TPX2: variants seen among roughly 807,000 people sequenced by gnomAD.
TPX2 encodes TPX2 microtubule nucleation factor.
A neutral mutation model predicts 93.6 loss-of-function variants in TPX2; 21 were observed. The ratio of observed to expected loss-of-function variants is 0.22; its 90% CI spans 0.16 to 0.32. TPX2 has a LOEUF of 0.32. Among genes scored for constraint, TPX2 ranks in the 10% least tolerant of loss-of-function variants. The probability of loss-of-function intolerance (pLI) is 1.00; values close to 1 mark genes in which losing one functional copy is unlikely to be tolerated. For synonymous variants in TPX2, 281 were observed against 298.3 expected (o/e 0.94, Z 0.60); for missense variants, 776 against 871.1 (o/e 0.89, Z 1.37).
intron 2 of TPX2, among the ~76,000 whole-genome samples, chr20:31,753,016 A>G (rs1020066094): frequency 1.3e-5 from 2 of 152,210 alleles, no homozygotes; most frequent in Non-Finnish European, 2.9e-5. Flanking sequence ...AGTACACACT[A>G]TTGTGAACCA....
chr20:31,746,087 C>T (rs939811033), intron 2 of TPX2, among the ~76,000 whole-genome samples: 4 of 152,200 alleles, frequency 2.6e-5, no homozygotes, highest in African/African-American at 7.2e-5. Flanking sequence ...GTGTCCTGTG[C>T]TGACTTCTGA....
chr20:31,741,311 G>GT (rs1207120749), intron 1 of TPX2, among the ~76,000 whole-genome samples: 3 of 148,640 alleles, frequency 2.0e-5, no homozygotes, highest in East Asian at 2.1e-4. Context: ...TTTTGTTTTT[G>GT]TTTTTGTTTT....
At chr20:31,741,799 G>A (rs1447082020) in intron 1 of TPX2, among the ~76,000 whole-genome samples, 4 of 150,956 alleles carry the variant, frequency 2.6e-5, no homozygotes, top group Non-Finnish European at 5.9e-5. Context: ...ATTTTTAGTA[G>A]ATACAGGGTT....
intron 12 of TPX2, among the ~76,000 whole-genome samples, chr20:31,790,654 T>C (rs2062094571): frequency 6.6e-6 from 1 of 152,206 alleles, no homozygotes; most frequent in Non-Finnish European, 1.5e-5. Flanking sequence ...GCTCCCAAGG[T>C]ATCCTCCTAG....
chr20:31,768,616 T>A (rs1282153155), intron 5 of TPX2, among the ~76,000 whole-genome samples: 1 of 152,064 alleles, frequency 6.6e-6, no homozygotes, highest in African/African-American at 2.4e-5. Context: ...GTTGATAAAT[T>A]CAGGCACATT....
In TPX2 at chr20:31,777,501, A is replaced by C; in HGVS notation, c.745A>C (p.Lys249Gln). Residue 249 changes from lysine (K) to glutamine (Q), a missense_variant, in exon 9 of 18, where the codon AAA (lysine) becomes CAA (glutamine). This residue lies in a region of TPX2 where 279 missense variants were observed against 261.6 expected (regional missense o/e 1.07). Transcript: ENST00000300403. The stretch of plus-strand genomic sequence containing the variant: ...TCATCTCTCAGGGCAACCTGTGAAG[A>C]AATCAGTGAGCCAGGTCACCAAATC... ...ALAGIGQPVK[K>Q]SVSQVTKSVD... The C allele has an allele frequency of 6.2e-7, 1 of 1,613,962 alleles. No homozygotes were observed. The highest frequency in any genetic ancestry group is 8.5e-7 in the Non-Finnish European group (1 of 1,179,900).
At chr20:31,759,918 A>G (rs927248949) in intron 3 of TPX2, 139 bp from the exon 4 acceptor site, 3 of 1,138,912 alleles carry the variant, frequency 2.6e-6, no homozygotes, top group African/African-American at 3.3e-5. Flanking sequence ...TTTTCTTTTG[A>G]TTGCTAGAAC....
At chr20:31,785,687 G>A (rs374061769) in intron 12 of TPX2, among the ~76,000 whole-genome samples, 8 of 151,948 alleles carry the variant, frequency 5.3e-5, no homozygotes, top group African/African-American at 1.7e-4. Flanking sequence ...TAGTAGAGAC[G>A]GGGTTTCGCC....
intron 2 of TPX2, among the ~76,000 whole-genome samples, 153 bp downstream of exon 2, chr20:31,742,800 C>T (rs2061760525): frequency 6.6e-6 from 1 of 152,152 alleles, no homozygotes; most frequent in Non-Finnish European, 1.5e-5. Flanking sequence ...CACTATCCCA[C>T]CTCTCAGATA....
chr20:31,773,551 C>T (rs974212276), intron 7 of TPX2, among the ~76,000 whole-genome samples: 1 of 152,110 alleles, frequency 6.6e-6, no homozygotes, highest in Non-Finnish European at 1.5e-5. Context: ...CTCAGCCTCT[C>T]AAAGTGCTGG....
At chr20:31,765,538 T>G (rs954270277) in intron 4 of TPX2, among the ~76,000 whole-genome samples, 4 of 152,136 alleles carry the variant, frequency 2.6e-5, no homozygotes, top group Non-Finnish European at 5.9e-5. Flanking sequence ...CTCAAAATCC[T>G]GGGCTCAAGT....
rs577812892 is a variant in TPX2 at position 31,743,530 on chromosome 20, A to AG, written c.-71+883_-71+884insG. On this transcript the variant is annotated intron_variant, in intron 2 of 17. Transcript: ENST00000300403. ...GTGGCACCGTGTCTCTACAAAAAAA[A>AG]TAAAACATAAAAAAATTTAACCGGG... is the stretch of plus-strand genomic sequence containing the variant. Among the ~76,000 whole-genome samples the AG allele has an allele frequency of 3.3e-5, 5 of 152,190 alleles. No homozygotes were observed. In the East Asian group the frequency reaches 9.7e-4, roughly 30 times the overall value.
At position 31,765,326 on chromosome 20, in the gene TPX2, A is replaced by C. The variant is rs550981295; in HGVS notation, c.230-1230A>C. On this transcript the variant is annotated intron_variant, in intron 4 of 17. Coordinates refer to ENST00000300403, the MANE Select transcript of TPX2 (RefSeq NM_012112.5). ...TAATATTGAAAAGCAAAAAAAAAAA[A>C]AAAAAACGTTTATCAAAATAAAACA... Among the ~76,000 whole-genome samples the C allele has an allele frequency of 1.6e-4, 24 of 151,930 alleles. No individual in the cohort carries two copies. The South Asian group carries it at 2.5e-3, about 16-fold the overall frequency.
At chr20:31,764,127 T>TGTACATATACATGTATGTGTACATAC (rs2061909408) in intron 4 of TPX2, among the ~76,000 whole-genome samples, 2 of 151,594 alleles carry the variant, frequency 1.3e-5, no homozygotes, top group Admixed American at 6.6e-5. Flanking sequence ...TGTGTGTATA[T>TGTACATATACATGTATGTGTACATAC]ATGTACATAT....
Position 31,760,146 on chromosome 20 carries a change from C to A in TPX2, c.196C>A (p.Leu66Ile). ...QGKTPLRKAN[L>I]QQAIVTPLKP... The stretch of plus-strand genomic sequence containing the variant: ...CAAAACTCCTTTGAGAAAGGCTAAT[C>A]TTCAGCAAGCTATTGTCACACCTTT... The change falls in exon 4 of 18, where the codon CTT (leucine) becomes ATT (isoleucine). Residue 66 changes from leucine to isoleucine, a missense_variant. Coordinates refer to ENST00000300403, the MANE Select transcript of TPX2 (RefSeq NM_012112.5). The A allele has an allele frequency of 3.1e-6, 5 of 1,613,856 alleles. No individual in the cohort carries two copies. The highest frequency in any genetic ancestry group is 4.2e-6 in the Non-Finnish European group (5 of 1,179,948).
intron 5 of TPX2, 88 bp from the exon 6 acceptor site, chr20:31,770,255 G>A: frequency 1.0e-6 from 1 of 967,778 alleles, no homozygotes; most frequent in Non-Finnish European, 1.4e-6. Flanking sequence ...GCCCTTTGTA[G>A]TTTGACATCC....
At chr20:31,785,790 G>A (rs1254703461) in intron 12 of TPX2, among the ~76,000 whole-genome samples, 5 of 152,110 alleles carry the variant, frequency 3.3e-5, no homozygotes. Context: ...GAGCCACCGT[G>A]CCTGGCTGGC....
At chr20:31,794,702 G>A (rs2062124507) in intron 15 of TPX2, among the ~76,000 whole-genome samples, 154 bp downstream of exon 15, 1 of 151,944 alleles carries the variant, frequency 6.6e-6, no homozygotes, top group South Asian at 2.1e-4. Flanking sequence ...TCTGTAAAGG[G>A]CCAGATAAGA....
chr20:31,741,345 T>C (rs2061751997), intron 1 of TPX2, among the ~76,000 whole-genome samples: 1 of 147,692 alleles, frequency 6.8e-6, no homozygotes, highest in African/African-American at 2.5e-5. Context: ...GGAGTCTCAC[T>C]CTGTCGCCCA....
Sources: allele counts gnomAD v4.1 joint callset (sites outside exome capture counted in the v4.1 genomes callset), GRCh38; gene constraint gnomAD v4.1.1; regional missense constraint gnomAD v4.1.1; transcripts MANE v1.5; gene names NCBI Gene and HGNC (gene_info 2026-07-23, HGNC 2026-07-21).